The following CSMD2 variants were observed in gnomAD, a reference collection of about 807,000 sequenced individuals.
CSMD2 encodes the protein CUB and Sushi multiple domains 2.
Under a neutral mutation model 398.5 loss-of-function variants are expected in CSMD2, and 130 were observed. The ratio of observed to expected loss-of-function variants is 0.33; its 90% CI spans 0.28 to 0.38. The LOEUF (loss-of-function observed/expected upper bound fraction) is 0.38, where lower values mean the gene tolerates loss of function less well. CSMD2 is among the 10% of genes least tolerant of loss of function. CSMD2 has a pLI of 1.00. For missense variants in CSMD2, 3,829 were observed against 4,764.9 expected (o/e 0.80, Z 5.78); for synonymous variants, 1,828 against 1,908.5 (o/e 0.96, Z 1.10).
chr1:33,637,248 G>A (rs796227394), intron 29 of CSMD2, among the ~76,000 whole-genome samples: 2 of 152,162 alleles, frequency 1.3e-5, no homozygotes, highest in African/African-American at 4.8e-5. Context: ...TTACCCGACC[G>A]GTGGGATAAG....
intron 5 of CSMD2, among the ~76,000 whole-genome samples, chr1:33,888,690 A>C (rs1172667490): frequency 1.3e-5 from 2 of 152,186 alleles, no homozygotes; most frequent in Non-Finnish European, 2.9e-5. Flanking sequence ...CCAAGCAGGA[A>C]GGTATTCCTA....
At chr1:33,869,753 G>A (rs1410562509) in intron 5 of CSMD2, among the ~76,000 whole-genome samples, 1 of 152,124 alleles carries the variant, frequency 6.6e-6, no homozygotes, top group Non-Finnish European at 1.5e-5. Flanking sequence ...TTTGGGAGGA[G>A]GAGCAGACCA....
chr1:33,841,224 G>A (rs913317805), intron 6 of CSMD2, among the ~76,000 whole-genome samples: 5 of 152,158 alleles, frequency 3.3e-5, no homozygotes, highest in Admixed American at 6.5e-5. Flanking sequence ...GCCAAATGAC[G>A]ATCATTAGGT....
At chr1:34,102,104 C>T (rs1660009233) in intron 1 of CSMD2, among the ~76,000 whole-genome samples, 1 of 151,956 alleles carries the variant, frequency 6.6e-6, no homozygotes, top group African/African-American at 2.4e-5. Flanking sequence ...CATCTCAGCT[C>T]ACTGCAAGCT....
rs187285309 is a variant in CSMD2 at position 33,716,835 on chromosome 1, C to A, written c.3002-334G>T. Among the ~76,000 whole-genome samples, 64 of 152,260 alleles carry A rather than the reference C, an allele frequency of 4.2e-4. No individual in the cohort carries two copies. The East Asian group carries it at 6.7e-3, about 16-fold the overall frequency. On this transcript the variant is annotated intron_variant, in intron 19 of 70. Coordinates refer to ENST00000373381, the MANE Select transcript of CSMD2 (RefSeq NM_001281956.2). ...GACATTCATTAATTCATCCAACAAG[C>A]ATTTGTGTATTTGTTGAGTCTTTAC...
chr1:33,890,219 ATTC>A (rs897375361), intron 5 of CSMD2, among the ~76,000 whole-genome samples: 2 of 140,556 alleles, frequency 1.4e-5, no homozygotes, highest in African/African-American at 5.3e-5. Flanking sequence ...GAATATACAT[ATTC>A]TTTTTCTTTC....
At chr1:34,134,171 G>A (rs1484736857) in intron 1 of CSMD2, among the ~76,000 whole-genome samples, 1 of 151,838 alleles carries the variant, frequency 6.6e-6, no homozygotes, top group East Asian at 1.9e-4. Flanking sequence ...TGGTTCTCTT[G>A]GTGCCTCCAT....
chr1:33,855,353 A>C (rs968782791), intron 5 of CSMD2, among the ~76,000 whole-genome samples: 1 of 152,058 alleles, frequency 6.6e-6, no homozygotes, highest in African/African-American at 2.4e-5. Context: ...TGGAACTTCT[A>C]TCAGGAAGGT....
chr1:34,153,079 C>T (rs1428998582), intron 1 of CSMD2, among the ~76,000 whole-genome samples: 1 of 152,170 alleles, frequency 6.6e-6, no homozygotes, highest in Non-Finnish European at 1.5e-5. Context: ...TGCAGTGGCG[C>T]GATCTCGGCT....
chr1:33,738,457 C>G (rs1438368485), intron 15 of CSMD2, among the ~76,000 whole-genome samples: 2 of 152,186 alleles, frequency 1.3e-5, no homozygotes, highest in Non-Finnish European at 2.9e-5. Flanking sequence ...CAAATTTAAC[C>G]TGACTCCTGC....
intron 4 of CSMD2, among the ~76,000 whole-genome samples, chr1:33,935,235 AG>A: frequency 6.6e-6 from 1 of 152,282 alleles, no homozygotes; most frequent in Middle Eastern, 3.4e-3. Context: ...TGGGAGGCTG[AG>A]GCCGACACAG....
rs1427883251 is a variant in CSMD2 at position 33,559,244 on chromosome 1, G to A, written c.8554+56C>T. The A allele has an allele frequency of 2.7e-6, 4 of 1,462,398 alleles. No individual in the cohort carries two copies. Among genetic ancestry groups the A allele is most frequent in the African/African-American group, 1.4e-5 (1 of 71,664 alleles). The allele number at this position is 1,462,398 out of a possible 1,614,324, so 90.6% of individuals were successfully genotyped here. A position where few individuals can be genotyped will look rare whatever the true frequency, so the allele number is the denominator to read the frequency against. On this transcript the variant is annotated intron_variant, in intron 54 of 70. Coordinates refer to ENST00000373381, the MANE Select transcript of CSMD2 (RefSeq NM_001281956.2). This position sits in a 1 kb window ranked among gnomAD's most constrained non-coding sequence, Gnocchi z 4.0. ...CACTGGCTTCTTTTTCTGAGCTACA[G>A]AACCACATATAGCAGAGATGGTGGG...
At chr1:33,819,469 G>C (rs558320450) in intron 9 of CSMD2, among the ~76,000 whole-genome samples, 1 of 152,304 alleles carries the variant, frequency 6.6e-6, no homozygotes, top group Non-Finnish European at 1.5e-5. Flanking sequence ...AGACTGTAAG[G>C]TCCATGCAGG....
chr1:33,564,752 G>T (rs759679589), intron 53 of CSMD2, among the ~76,000 whole-genome samples: 3 of 152,022 alleles, frequency 2.0e-5, no homozygotes, highest in Non-Finnish European at 4.4e-5. Context: ...CTAATTTCAG[G>T]CATTGTTTTT....
At chr1:33,850,241 A>C (rs1404900549) in intron 5 of CSMD2, among the ~76,000 whole-genome samples, 1 of 152,018 alleles carries the variant, frequency 6.6e-6, no homozygotes, top group Non-Finnish European at 1.5e-5. Context: ...ACACACACAC[A>C]CACAGTTCTC....
At chr1:33,896,220 T>C (rs1426141229) in intron 5 of CSMD2, among the ~76,000 whole-genome samples, 1 of 150,196 alleles carries the variant, frequency 6.7e-6, no homozygotes, top group Admixed American at 6.6e-5. Context: ...ATGGGGGAAT[T>C]GGCAGAGGGG....
chr1:34,002,718 A>G (rs1181239214), intron 3 of CSMD2, among the ~76,000 whole-genome samples: 2 of 152,230 alleles, frequency 1.3e-5, no homozygotes, highest in Non-Finnish European at 2.9e-5. Context: ...AGTTGTTGTG[A>G]AACAAATAAT....
At chr1:33,681,609 G>A (rs1401875250) in intron 25 of CSMD2, among the ~76,000 whole-genome samples, 2 of 152,134 alleles carry the variant, frequency 1.3e-5, no homozygotes, top group African/African-American at 2.4e-5. Context: ...GCTAAAAATT[G>A]TATGTCTGTA....
chr1:33,651,456 C>G (rs1039210313), intron 28 of CSMD2, among the ~76,000 whole-genome samples: 1 of 152,152 alleles, frequency 6.6e-6, no homozygotes, highest in Non-Finnish European at 1.5e-5. Flanking sequence ...TGCTGACGCT[C>G]AGAATAAAGC....
Sources: allele counts gnomAD v4.1 joint callset (sites outside exome capture counted in the v4.1 genomes callset), GRCh38; gene constraint gnomAD v4.1.1; non-coding constraint Gnocchi (gnomAD v3.1); transcripts MANE v1.5; gene names NCBI Gene and HGNC (gene_info 2026-07-23, HGNC 2026-07-21).